The following GINS1 variants were observed in gnomAD, a reference collection of about 807,000 sequenced individuals.
GINS1 encodes DNA replication complex GINS protein PSF1.
GINS1 carries 26 observed loss-of-function variants against 34.9 expected under a neutral mutation model. That is an observed-to-expected ratio of 0.74 (90% CI 0.55 to 1.03). GINS1 has a LOEUF of 1.03. Among genes scored for constraint, GINS1 ranks in the 50% least tolerant of loss-of-function variants. The probability of loss-of-function intolerance (pLI) is 0.00; values close to 1 mark genes in which losing one functional copy is unlikely to be tolerated. For missense variants in GINS1, 235 were observed against 237.9 expected, an observed-to-expected ratio of 0.99 and a Z score of 0.08; for synonymous variants, 97 against 84.4, an observed-to-expected ratio of 1.15 and a Z score of -0.82.
At chr20:25,437,091 T>G (rs2090458412) in intron 5 of GINS1, among the ~76,000 whole-genome samples, 1 of 152,234 alleles carries the variant, frequency 6.6e-6, no homozygotes, top group Non-Finnish European at 1.5e-5. Flanking sequence ...ACTTTCTAAT[T>G]TTTCCTGTAT....
At chr20:25,418,509 C>G (rs954405792) in intron 4 of GINS1, among the ~76,000 whole-genome samples, 1 of 152,170 alleles carries the variant, frequency 6.6e-6, no homozygotes, top group Non-Finnish European at 1.5e-5. Context: ...TGTATATATA[C>G]TTTCCTAATC....
intron 4 of GINS1, among the ~76,000 whole-genome samples, chr20:25,418,689 CCTAT>C (rs1424431591): frequency 2.0e-5 from 3 of 152,174 alleles, no homozygotes; most frequent in Non-Finnish European, 4.4e-5. Context: ...GATCATATTA[CCTAT>C]CTATTACAGG....
At chr20:25,413,271 A>G (rs1056036532) in intron 1 of GINS1, among the ~76,000 whole-genome samples, 2 of 151,838 alleles carry the variant, frequency 1.3e-5, no homozygotes, top group Non-Finnish European at 1.5e-5. Flanking sequence ...CTGGTTTTGA[A>G]CTTCTGACCT....
At chr20:25,409,783 A>G (rs996951003) in intron 1 of GINS1, among the ~76,000 whole-genome samples, 3 of 152,204 alleles carry the variant, frequency 2.0e-5, no homozygotes, top group African/African-American at 7.2e-5. Flanking sequence ...CCTCATTTAA[A>G]AAGTTAGGCA....
intron 1 of GINS1, among the ~76,000 whole-genome samples, chr20:25,412,909 AC>A (rs1466817330): frequency 6.6e-6 from 1 of 152,222 alleles, no homozygotes; most frequent in African/African-American, 2.4e-5. Flanking sequence ...GCTTTCTCTG[AC>A]TACAGATGAT....
intron 5 of GINS1, among the ~76,000 whole-genome samples, chr20:25,436,468 G>T (rs553612361): frequency 3.3e-5 from 5 of 152,068 alleles, no homozygotes; most frequent in African/African-American, 9.6e-5. Context: ...TGCCCTTCAG[G>T]TCTCTCAGGC....
intron 4 of GINS1, among the ~76,000 whole-genome samples, chr20:25,423,817 T>C (rs539942475): frequency 6.6e-6 from 1 of 152,044 alleles, no homozygotes; most frequent in Admixed American, 6.6e-5. Flanking sequence ...GGTTTCACCA[T>C]GTTAGCCAGG....
chr20:25,444,390 A>G (rs1177659895), intron 6 of GINS1, among the ~76,000 whole-genome samples: 1 of 151,924 alleles, frequency 6.6e-6, no homozygotes, highest in Non-Finnish European at 1.5e-5. Flanking sequence ...AGAAATCAAT[A>G]CTCTCCATCT....
intron 2 of GINS1, among the ~76,000 whole-genome samples, chr20:25,414,094 G>T (rs773310528): frequency 4.7e-5 from 7 of 149,492 alleles, no homozygotes; most frequent in Non-Finnish European, 7.4e-5. Context: ...GGAGGCTGAG[G>T]CAGGAGAACT....
chr20:25,429,622 CGTT>C (rs1011644738), intron 5 of GINS1, among the ~76,000 whole-genome samples: 2 of 151,922 alleles, frequency 1.3e-5, no homozygotes, highest in Non-Finnish European at 2.9e-5. Flanking sequence ...TCAGATTGTT[CGTT>C]GTTAGTGTAT....
chr20:25,417,271 T>C (rs1425415052), intron 3 of GINS1, 69 bp downstream of exon 3: 7 of 758,810 alleles, frequency 9.2e-6, no homozygotes, highest in Non-Finnish European at 7.1e-6. Flanking sequence ...CCATCTCAAA[T>C]GGGTAACATG....
intron 1 of GINS1, 81 bp from the exon 2 acceptor site, chr20:25,413,709 A>T: frequency 3.7e-6 from 3 of 819,248 alleles, no homozygotes; most frequent in South Asian, 2.7e-5. Context: ...TAAATGAAAG[A>T]TACAGTTCAG....
At chr20:25,429,443 AT>A (rs2146210993) in intron 5 of GINS1, among the ~76,000 whole-genome samples, 1 of 152,214 alleles carries the variant, frequency 6.6e-6, no homozygotes, top group African/African-American at 2.4e-5. Flanking sequence ...AAATCTTCCA[AT>A]CCATGAACAT....
Position 25,407,914 on chromosome 20 carries a change from TG to T in GINS1, c.75+21del. On this transcript the variant is annotated intron_variant, in intron 1 of 6. Transcript: ENST00000262460. ...CTTCAACGTGAGGGGCGGGTAGACT[TG>T]GACGGGGCATGCCGGCGTTGGGCCC... 6.3e-7 allele frequency: 1 copy of T among 1,595,402 alleles called. No individual in the cohort carries two copies. Among genetic ancestry groups the T allele is most frequent in the Non-Finnish European group, 8.6e-7 (1 of 1,163,534 alleles).
At chr20:25,439,729 G>T (rs2090472368) in intron 5 of GINS1, among the ~76,000 whole-genome samples, 1 of 152,102 alleles carries the variant, frequency 6.6e-6, no homozygotes, top group Admixed American at 6.5e-5. Context: ...GGGCACGGTG[G>T]CTCATGCCTG....
At chr20:25,411,040 G>T (rs1292165998) in intron 1 of GINS1, 2 of 152,162 alleles carry the variant, frequency 1.3e-5, no homozygotes, top group African/African-American at 4.8e-5. Context: ...CACTTTGGGA[G>T]GTCAAGGTGG....
At chr20:25,417,422 A>G (rs1177732833) in intron 3 of GINS1, among the ~76,000 whole-genome samples, 1 of 152,154 alleles carries the variant, frequency 6.6e-6, no homozygotes, top group Non-Finnish European at 1.5e-5. Context: ...TGGAGCTATC[A>G]TATGGTTTTA....
chr20:25,424,398 A>G (rs1017481773), intron 4 of GINS1, among the ~76,000 whole-genome samples: 1 of 152,188 alleles, frequency 6.6e-6, no homozygotes, highest in African/African-American at 2.4e-5. Context: ...TGAATCATCC[A>G]ATCTGTGAAT....
Position 25,445,999 on chromosome 20 carries a change from C to A in GINS1, c.*8C>A. The A allele has an allele frequency of 6.3e-7, 1 of 1,575,182 alleles. No individual in the cohort carries two copies. Among genetic ancestry groups the A allele is most frequent in the Non-Finnish European group, 8.7e-7 (1 of 1,146,398 alleles). ...GAGCACATCCTGTCATGACCATGCG[C>A]CGAGGCACTTCCAGGCTTCACTCAA... On this transcript the variant is annotated 3_prime_UTR_variant, in exon 7 of 7. Coordinates refer to ENST00000262460, the MANE Select transcript of GINS1 (RefSeq NM_021067.5).
Sources: gnomAD v4.1 joint callset for allele counts (sites outside exome capture counted in the v4.1 genomes callset) on GRCh38, gnomAD v4.1.1 for gene constraint, MANE v1.5 for transcripts, NCBI Gene and HGNC (gene_info 2026-07-23, HGNC 2026-07-21) for gene names.